The following ADK variants were observed in gnomAD, a reference collection of about 807,000 sequenced individuals.
ADK encodes the protein N6,N6-dimethyladenosine kinase.
In ADK, 24 loss-of-function variants were observed where a neutral mutation model predicts 44.7. The ratio of observed to expected loss-of-function variants is 0.54; its 90% CI spans 0.39 to 0.76. The LOEUF (loss-of-function observed/expected upper bound fraction) is 0.76, where lower values mean the gene tolerates loss of function less well. Among genes scored for constraint, ADK ranks in the 30% least tolerant of loss-of-function variants. The pLI is 0.00. For synonymous variants in ADK, 128 were observed against 142.6 expected, an observed-to-expected ratio of 0.90 and a Z score of 0.73; for missense variants, 321 against 425.1, an observed-to-expected ratio of 0.76 and a Z score of 2.15.
chr10:74,575,003 A>G (rs1366233455), intron 7 of ADK, among the ~76,000 whole-genome samples: 3 of 152,212 alleles, frequency 2.0e-5, no homozygotes, highest in African/African-American at 7.2e-5. Context: ...CAGAGTACAA[A>G]TAAATTATAA....
chr10:74,369,036 T>C (rs1842580324), intron 4 of ADK, among the ~76,000 whole-genome samples: 1 of 152,176 alleles, frequency 6.6e-6, no homozygotes, highest in African/African-American at 2.4e-5. Context: ...CCATTTTACT[T>C]AAGAGTCTAC....
Position 74,565,861 on chromosome 10 carries a change from TTAAA to T in ADK, c.727-23416_727-23413del, listed in dbSNP as rs1850648314. Among the ~76,000 whole-genome samples, 5 of 151,758 alleles carry T rather than the reference TTAAA, an allele frequency of 3.3e-5. No individual in the cohort carries two copies. In the South Asian group the frequency reaches 6.2e-4, roughly 19 times the overall value. ...TAAGATGGAATAAAAATTAAAACAA[TTAAA>T]TAAAATACAAATTGGTTGTATAATA... is the stretch of plus-strand genomic sequence containing the variant. On this transcript the variant is annotated intron_variant, in intron 7 of 10. Coordinates refer to ENST00000539909, the MANE Select transcript of ADK (RefSeq NM_006721.4).
chr10:74,391,462 C>G (rs571177757), intron 4 of ADK, among the ~76,000 whole-genome samples: 1 of 151,966 alleles, frequency 6.6e-6, no homozygotes, highest in Admixed American at 6.6e-5. Flanking sequence ...CTAGTTTATT[C>G]TTTCTGTGTT....
intron 1 of ADK, among the ~76,000 whole-genome samples, chr10:74,180,651 G>T (rs1842517467): frequency 6.6e-6 from 1 of 151,970 alleles, no homozygotes; most frequent in Non-Finnish European, 1.5e-5. Flanking sequence ...GTAGAGACGG[G>T]GTTTCACCGT....
At chr10:74,555,692 T>G (rs564809865) in intron 7 of ADK, among the ~76,000 whole-genome samples, 42 of 152,128 alleles carry the variant, frequency 2.8e-4, no homozygotes. Flanking sequence ...CTTATTAAAA[T>G]GCAAGACAAT....
chr10:74,557,135 A>G (rs895526142), intron 7 of ADK, among the ~76,000 whole-genome samples: 4 of 152,192 alleles, frequency 2.6e-5, no homozygotes, highest in African/African-American at 9.7e-5. Flanking sequence ...ACTAGGAACA[A>G]CTGTTTTATA....
At chr10:74,276,392 G>A (rs1276871649) in intron 3 of ADK, among the ~76,000 whole-genome samples, 2 of 152,158 alleles carry the variant, frequency 1.3e-5, no homozygotes, top group Non-Finnish European at 2.9e-5. Flanking sequence ...TGCTTTCTGG[G>A]CCCCAACACT....
intron 7 of ADK, among the ~76,000 whole-genome samples, chr10:74,570,111 C>G (rs975066276): frequency 3.9e-5 from 6 of 151,988 alleles, no homozygotes; most frequent in Admixed American, 1.3e-4. Flanking sequence ...TCTGAGGGCT[C>G]TGTTCTGTTC....
chr10:74,695,616 TGGG>T (rs796902967), intron 10 of ADK, among the ~76,000 whole-genome samples: 1 of 21,442 alleles, frequency 4.7e-5, no homozygotes, highest in African/African-American at 1.3e-4. Flanking sequence ...TGTGTATGTG[TGGG>T]GTGTGTGTGT....
At chr10:74,587,006 T>C (rs903174635) in intron 7 of ADK, among the ~76,000 whole-genome samples, 4 of 152,186 alleles carry the variant, frequency 2.6e-5, no homozygotes, top group Non-Finnish European at 5.9e-5. Flanking sequence ...TATGTGAATT[T>C]TGAGCATTTA....
intron 8 of ADK, among the ~76,000 whole-genome samples, chr10:74,590,550 T>C (rs1030675016): frequency 1.3e-5 from 2 of 152,176 alleles, no homozygotes; most frequent in Admixed American, 6.5e-5. Context: ...CTGAAGATCC[T>C]ATAAAAGAAC....
chr10:74,258,736 T>C (rs1422460264), intron 3 of ADK, among the ~76,000 whole-genome samples: 1 of 152,172 alleles, frequency 6.6e-6, no homozygotes, highest in Non-Finnish European at 1.5e-5. Flanking sequence ...ATGTAGCTGT[T>C]ATGTTTACTG....
chr10:74,464,660 A>G (rs1057195599), intron 6 of ADK, among the ~76,000 whole-genome samples: 25 of 152,204 alleles, frequency 1.6e-4, no homozygotes, highest in African/African-American at 5.8e-4. Flanking sequence ...TATCCCAAAA[A>G]CTTTTTAATT....
intron 6 of ADK, among the ~76,000 whole-genome samples, chr10:74,454,069 C>T (rs1361133619): frequency 6.6e-6 from 1 of 152,100 alleles, no homozygotes; most frequent in African/African-American, 2.4e-5. Context: ...TCCAGCAGGT[C>T]ATAAGTAAGA....
At chr10:74,242,708 T>C (rs1307015809) in intron 3 of ADK, among the ~76,000 whole-genome samples, 1 of 152,186 alleles carries the variant, frequency 6.6e-6, no homozygotes, top group East Asian at 1.9e-4. Context: ...ATAATGTCTT[T>C]TTACCAATTG....
At chr10:74,462,731 A>G (rs1409291353) in intron 6 of ADK, among the ~76,000 whole-genome samples, 7 of 152,206 alleles carry the variant, frequency 4.6e-5, no homozygotes, top group African/African-American at 1.7e-4. Flanking sequence ...TCTAGCGTCC[A>G]ATGTGACATG....
intron 7 of ADK, among the ~76,000 whole-genome samples, chr10:74,550,309 G>A (rs1362510448): frequency 1.3e-5 from 2 of 151,800 alleles, no homozygotes; most frequent in Non-Finnish European, 2.9e-5. Context: ...GACCTCAGGC[G>A]ATCCTCCCGC....
chr10:74,404,243 T>C (rs1224449935), intron 6 of ADK, among the ~76,000 whole-genome samples: 2 of 152,018 alleles, frequency 1.3e-5, no homozygotes, highest in Non-Finnish European at 2.9e-5. Context: ...ACATTTTACT[T>C]CTACATATAT....
At chr10:74,371,700 G>A in intron 4 of ADK, 2 of 1,262,460 alleles carry the variant, frequency 1.6e-6, no homozygotes, top group Non-Finnish European at 2.3e-6. Context: ...GAGGACCTGG[G>A]AGAAGCTTCT....
Sources: allele counts gnomAD v4.1 joint callset (sites outside exome capture counted in the v4.1 genomes callset), GRCh38; gene constraint gnomAD v4.1.1; transcripts MANE v1.5; gene names NCBI Gene and HGNC (gene_info 2026-07-23, HGNC 2026-07-21).